HS2ST1: variants seen among roughly 807,000 people sequenced by gnomAD.
HS2ST1 encodes 2-O-sulfotransferase.
A neutral mutation model predicts 42.9 loss-of-function variants in HS2ST1; 18 were observed. The observed-to-expected ratio is 0.42, with a 90% CI of 0.29 to 0.62. The LOEUF (loss-of-function observed/expected upper bound fraction) is 0.62, where lower values mean the gene tolerates loss of function less well. Ranked by LOEUF, HS2ST1 falls within the 20% of genes least tolerant of loss-of-function variation. The pLI is 0.21. For missense variants in HS2ST1, 334 were observed against 433.8 expected (o/e 0.77, Z 2.04); for synonymous variants, 146 against 152.9 (o/e 0.95, Z 0.33).
At chr1:86,985,135 C>T (rs1343755386) in intron 1 of HS2ST1, among the ~76,000 whole-genome samples, 1 of 150,836 alleles carries the variant, frequency 6.6e-6, no homozygotes, top group Admixed American at 6.6e-5. Flanking sequence ...GTGGGCGGAT[C>T]ACGAGGTCAG....
At chr1:86,979,287 T>A (rs1648512794) in intron 1 of HS2ST1, among the ~76,000 whole-genome samples, 1 of 152,224 alleles carries the variant, frequency 6.6e-6, no homozygotes. Context: ...GTGCAACCAT[T>A]ATCACTATCT....
chr1:87,094,499 G>A (rs1049899158), intron 4 of HS2ST1, among the ~76,000 whole-genome samples: 1 of 152,072 alleles, frequency 6.6e-6, no homozygotes, highest in Non-Finnish European at 1.5e-5. Context: ...AAACTGTGGG[G>A]CACAGAAAGG....
At chr1:87,037,509 A>G (rs892682788) in intron 1 of HS2ST1, among the ~76,000 whole-genome samples, 11 of 151,870 alleles carry the variant, frequency 7.2e-5, no homozygotes, top group African/African-American at 2.7e-4. Flanking sequence ...AGAATTATCA[A>G]ACATTAATAT....
chr1:87,003,727 T>C (rs554813421), intron 1 of HS2ST1, among the ~76,000 whole-genome samples: 17 of 152,172 alleles, frequency 1.1e-4, no homozygotes, highest in African/African-American at 4.1e-4. Flanking sequence ...TTTCTTGTCA[T>C]TATTCCCTGA....
intron 1 of HS2ST1, chr1:86,993,119 G>A (rs2100562202): frequency 6.2e-7 from 1 of 1,601,462 alleles, no homozygotes; most frequent in Admixed American, 1.7e-5. Flanking sequence ...GAAGTATTCA[G>A]TATGCCAGGT....
chr1:87,069,537 A>G (rs1651348569), intron 1 of HS2ST1, among the ~76,000 whole-genome samples: 2 of 152,240 alleles, frequency 1.3e-5, no homozygotes, highest in Non-Finnish European at 2.9e-5. Context: ...AAAGATAGTA[A>G]TTTATCATCA....
chr1:86,976,704 G>GTATATACATATATATATATATATATA (rs1648414418), intron 1 of HS2ST1, among the ~76,000 whole-genome samples: 1 of 79,662 alleles, frequency 1.3e-5, no homozygotes, highest in African/African-American at 3.5e-5. Flanking sequence ...TTATAAAATT[G>GTATATACATATATATATATATATATA]TATATATATA....
At chr1:86,918,318 A>G (rs931492650) in intron 1 of HS2ST1, among the ~76,000 whole-genome samples, 2 of 152,054 alleles carry the variant, frequency 1.3e-5, no homozygotes, top group Non-Finnish European at 2.9e-5. Flanking sequence ...TTTGCCTTGA[A>G]TGTTATACAC....
At chr1:87,050,092 A>G (rs553766933) in intron 1 of HS2ST1, among the ~76,000 whole-genome samples, 1 of 152,018 alleles carries the variant, frequency 6.6e-6, no homozygotes. Flanking sequence ...AATGTGATAT[A>G]TCTTTTCTCA....
chr1:87,031,987 A>G (rs889315777), intron 1 of HS2ST1, among the ~76,000 whole-genome samples: 5 of 152,174 alleles, frequency 3.3e-5, no homozygotes, highest in African/African-American at 1.2e-4. Flanking sequence ...TTCTTTCTTT[A>G]TTGTTGCAAG....
intron 1 of HS2ST1, among the ~76,000 whole-genome samples, chr1:87,062,599 T>C (rs1434901134): frequency 6.6e-6 from 1 of 152,228 alleles, no homozygotes; most frequent in Non-Finnish European, 1.5e-5. Flanking sequence ...AAGGGAAAGT[T>C]TATTGTATTT....
rs375928819 is a variant in HS2ST1, at chr1:86,917,927, T to C, written c.124+2767T>C. On this transcript the variant is annotated intron_variant, in intron 1 of 6. Transcript: ENST00000370550. ...TGAATTAGATAGCTTATTTTTACTA[T>C]AGGAAAGAAAAATCTAGCTGTTTTC... 1.1e-4 allele frequency among the ~76,000 whole-genome samples: 16 copies of C among 152,334 alleles called. No individual in the cohort carries two copies. In the South Asian group the frequency reaches 2.5e-3, roughly 24 times the overall value.
intron 1 of HS2ST1, among the ~76,000 whole-genome samples, chr1:87,041,356 C>CA: frequency 6.6e-6 from 1 of 151,446 alleles, no homozygotes; most frequent in African/African-American, 2.4e-5. Flanking sequence ...CACTGCACTC[C>CA]AGTGTGGGTT....
Position 87,104,504 on chromosome 1 carries a change from G to C in HS2ST1, c.879G>C (p.Lys293Asn). 6.2e-7 allele frequency: 1 copy of C among 1,612,898 alleles called. No homozygotes were observed. Among genetic ancestry groups the C allele is most frequent in the African/African-American group, 1.3e-5 (1 of 74,964 alleles). The change falls in exon 7 of 7, where the codon AAG becomes AAC. Residue 293 changes from lysine (K) to asparagine (N), a missense_variant. Transcript: ENST00000370550. ...KKSHLRKTTE[K>N]KLPTKQTIAK... Reference sequence around the variant, plus strand: ...CTCATCTTAGGAAAACCACAGAGAAGAAACTCCCCACTAAACAAACCATTG... The same window carrying C: ...CTCATCTTAGGAAAACCACAGAGAACAAACTCCCCACTAAACAAACCATTG...
chr1:86,983,902 C>T (rs1041439766), intron 1 of HS2ST1, among the ~76,000 whole-genome samples: 2 of 151,876 alleles, frequency 1.3e-5, no homozygotes, highest in Non-Finnish European at 2.9e-5. Context: ...TAGCTGGGCG[C>T]GGTGGCGGGC....
intron 3 of HS2ST1, among the ~76,000 whole-genome samples, chr1:87,091,935 A>T (rs1651955198): frequency 6.6e-6 from 1 of 152,052 alleles, no homozygotes; most frequent in Non-Finnish European, 1.5e-5. Context: ...TCAGCAACAG[A>T]AGGTAGATTG....
At chr1:87,006,031 G>A (rs1474198058) in intron 1 of HS2ST1, among the ~76,000 whole-genome samples, 1 of 151,868 alleles carries the variant, frequency 6.6e-6, no homozygotes, top group Non-Finnish European at 1.5e-5. Context: ...CTAAATATTA[G>A]GTAGAATAAG....
intron 1 of HS2ST1, among the ~76,000 whole-genome samples, chr1:87,042,737 C>T (rs1027186114): frequency 2.0e-5 from 3 of 152,018 alleles, no homozygotes; most frequent in Non-Finnish European, 4.4e-5. Flanking sequence ...GATAAATTAT[C>T]ACTGGAAATT....
chr1:86,931,371 G>T (rs1411028138), intron 1 of HS2ST1, among the ~76,000 whole-genome samples: 1 of 151,930 alleles, frequency 6.6e-6, no homozygotes, highest in Non-Finnish European at 1.5e-5. Context: ...TTTTAATTTT[G>T]TAGCCCATTT....
Sources: allele counts gnomAD v4.1 joint callset (sites outside exome capture counted in the v4.1 genomes callset), GRCh38; gene constraint gnomAD v4.1.1; transcripts MANE v1.5; gene names NCBI Gene and HGNC (gene_info 2026-07-23, HGNC 2026-07-21).